The following ITIH5 variants were observed in gnomAD, a reference collection of about 807,000 sequenced individuals.
ITIH5 encodes inter-alpha-trypsin inhibitor heavy chain 5.
Under a neutral mutation model 77.5 loss-of-function variants are expected in ITIH5, and 65 were observed. That is an observed-to-expected ratio of 0.84 (90% CI 0.69 to 1.03). ITIH5 has a LOEUF of 1.03. Ranked by LOEUF, ITIH5 falls within the 50% of genes least tolerant of loss-of-function variation. The pLI is 0.00. For missense variants in ITIH5, 1,208 were observed against 1,213.1 expected (o/e 1.00, Z 0.06); for synonymous variants, 525 against 494.3 (o/e 1.06, Z -0.82).
At chr10:7,565,672 A>C (rs1564231223) in intron 13 of ITIH5, among the ~76,000 whole-genome samples, 1 of 148,986 alleles carries the variant, frequency 6.7e-6, no homozygotes, top group Admixed American at 6.7e-5. Flanking sequence ...ATACATATAC[A>C]GACCATATAC....
chr10:7,563,116 C>CA lies in ITIH5; in HGVS notation c.2795dup (p.Met932IlefsTer26). On this transcript the variant is annotated frameshift_variant, in exon 14 of 14. Transcript: ENST00000397146. LOFTEE classifies it low-confidence loss of function (END_TRUNC). Reference sequence around the variant, plus strand: ...CCCTGGACATTCCCCGGCCAAGTGTCATCCCTGTGTCAAATGGATGGGATG... The same window carrying CA: ...CCCTGGACATTCCCCGGCCAAGTGTCAATCCCTGTGTCAAATGGATGGGATG... 1 of 1,591,750 alleles carries CA rather than the reference C, an allele frequency of 6.3e-7. No homozygotes were observed. The highest frequency in any genetic ancestry group is 8.5e-7 in the Non-Finnish European group (1 of 1,179,178).
chr10:7,635,744 GACC>G (rs1342210351), intron 5 of ITIH5, among the ~76,000 whole-genome samples: 9 of 152,060 alleles, frequency 5.9e-5, no homozygotes, highest in South Asian at 4.2e-4. Context: ...CCCCTCCATA[GACC>G]ACCAGCTCTA....
intron 3 of ITIH5, among the ~76,000 whole-genome samples, chr10:7,641,664 G>A (rs1387799465): frequency 1.8e-5 from 2 of 108,594 alleles, no homozygotes; most frequent in South Asian, 4.1e-4. Context: ...GAGGGAGGGA[G>A]GGAGGGAGGC....
Position 7,617,202 on chromosome 10 carries a change from G to A in ITIH5, c.733C>T (p.Gln245Ter), listed in dbSNP as rs746404265. The change falls in exon 6 of 14, where the codon CAA (glutamine) becomes TAA (stop). Residue 245 changes from glutamine to a stop codon, truncating the protein, a stop_gained. Transcript: ENST00000397146. LOFTEE classifies it high-confidence loss of function. ...CCATTCTGGGCAATCCTGGCTTGTT[G>A]TACTACAGTAGGTTTAAAAATTATG... ...ANIIFKPTVV[Q>*]QARIAQNGIL... is the part of the protein sequence containing the mutation. 15 of 1,605,792 alleles carry A rather than the reference G, an allele frequency of 9.3e-6. No homozygotes were observed. Among genetic ancestry groups the A allele is most frequent in the Non-Finnish European group, 9.4e-6 (11 of 1,176,196 alleles).
rs1832427192 is a variant in ITIH5 at position 7,576,694 on chromosome 10, G to A, written c.1737C>T (p.Tyr579=). 1 of 1,614,040 alleles carries A rather than the reference G, an allele frequency of 6.2e-7. No homozygotes were observed. The highest frequency in any genetic ancestry group is 8.5e-7 in the Non-Finnish European group (1 of 1,180,040). The change falls in exon 10 of 14, where the codon TAC becomes TAT. Residue 579 remains tyrosine, a synonymous_variant. Coordinates refer to ENST00000397146, the MANE Select transcript of ITIH5 (RefSeq NM_030569.7). ...DTNHIERLWS[Y]LTTKELLSSW... Reference sequence around the variant, plus strand: ...AGCTCAGCAGCTCCTTTGTGGTGAGGTAGCTCCAGAGACGCTCGATGTGGT... The same window carrying A: ...AGCTCAGCAGCTCCTTTGTGGTGAGATAGCTCCAGAGACGCTCGATGTGGT...
intron 7 of ITIH5, among the ~76,000 whole-genome samples, chr10:7,603,357 CA>C (rs1182172985): frequency 6.6e-6 from 1 of 152,036 alleles, no homozygotes; most frequent in Non-Finnish European, 1.5e-5. Flanking sequence ...AATCCAGAGA[CA>C]GGAAGCCGAC....
intron 7 of ITIH5, among the ~76,000 whole-genome samples, chr10:7,590,400 CAT>C (rs1282369862): frequency 1.3e-5 from 2 of 152,160 alleles, no homozygotes; most frequent in South Asian, 2.1e-4. Flanking sequence ...AGAAGAAAAA[CAT>C]ATACAACTCA....
In ITIH5 at chr10:7,571,247, A is replaced by G. The variant is rs148711076; in HGVS notation, c.2033-1463T>C. Among the ~76,000 whole-genome samples, 1,203 of 151,970 alleles carry G rather than the reference A, an allele frequency of 7.9e-3. 10 individuals are homozygous for G. The highest frequency in any genetic ancestry group is 0.017 in the Middle Eastern group (5 of 294). ...CAAAGTTCTCATCCACATTGCTGGC[A>G]TTTTTCAGGCATGCACGCAGTTGTC... On this transcript the variant is annotated intron_variant, in intron 11 of 13. Transcript: ENST00000397146.
rs548410453 is a variant in ITIH5, at chr10:7,605,678, C to T, written c.939+10304G>A. On this transcript the variant is annotated intron_variant, in intron 7 of 13. Transcript: ENST00000397146. ...GGGCTGTGCTATCAGGCAATGCCAG[C>T]GCTTAGGAATTTTACCCAGTTGCAA... Among the ~76,000 whole-genome samples the T allele has an allele frequency of 1.7e-4, 26 of 152,238 alleles. No individual in the cohort carries two copies. The South Asian group carries it at 4.6e-3, about 27-fold the overall frequency.
At chr10:7,605,916 G>C (rs1034674591) in intron 7 of ITIH5, among the ~76,000 whole-genome samples, 2 of 152,160 alleles carry the variant, frequency 1.3e-5, no homozygotes, top group Non-Finnish European at 2.9e-5. Context: ...CCAGAAAGGA[G>C]GAAACTAGGC....
rs181762711 is a variant in ITIH5 at position 7,598,007 on chromosome 10, T to A, written c.940-11938A>T. Among the ~76,000 whole-genome samples the A allele has an allele frequency of 1.2e-3, 176 of 152,162 alleles. 1 individual carries two copies. Among genetic ancestry groups the A allele is most frequent in the African/African-American group, 4.1e-3 (172 of 41,514 alleles). The stretch of plus-strand genomic sequence containing the variant: ...TGGGTCCATATCATTGTTGTACTTC[T>A]AAAAAATCTAGCAACAGATTGGCTC... On this transcript the variant is annotated intron_variant, in intron 7 of 13. Transcript: ENST00000397146.
At position 7,621,707 on chromosome 10, in the gene ITIH5, G is replaced by A. The variant is rs181896930; in HGVS notation, c.653-4425C>T. On this transcript the variant is annotated intron_variant, in intron 5 of 13. Coordinates refer to ENST00000397146, the MANE Select transcript of ITIH5 (RefSeq NM_030569.7). ...TTTTTATTAAGGGGGAAAAAAATCT[G>A]TTAAGTAGGTTCATATGGGCTGTTC... 467 of 152,184 alleles carry A rather than the reference G, an allele frequency of 3.1e-3. 4 individuals are homozygous for A. The highest frequency in any genetic ancestry group is 0.011 in the African/African-American group (444 of 41,510). The allele number at this position is 152,184 out of a possible 1,614,324, so 9.4% of individuals were successfully genotyped here. A position where few individuals can be genotyped will look rare whatever the true frequency, so the allele number is the denominator to read the frequency against.
rs190567154 is a variant in ITIH5, at chr10:7,579,790, C to T, written c.1383G>A (p.Val461=). ...GCGAGCCTGCGTCCTCCTCCTCGTG[C>T]ACGCGCCGTGTGAGGCCACAGTTCT... ...SLENCGLTRR[V]HEEEDAGSQL... is the part of the protein sequence containing the mutation. Residue 461 remains valine, a synonymous_variant, in exon 9 of 14, where the codon GTG becomes GTA. Coordinates refer to ENST00000397146, the MANE Select transcript of ITIH5 (RefSeq NM_030569.7). 973 of 1,614,102 alleles carry T rather than the reference C, an allele frequency of 6.0e-4. 4 individuals are homozygous for T. The East Asian group carries it at 7.4e-3, about 12-fold the overall frequency.
chr10:7,634,601 C>A (rs2131069326), intron 5 of ITIH5, among the ~76,000 whole-genome samples: 1 of 152,282 alleles, frequency 6.6e-6, no homozygotes, highest in Admixed American at 6.5e-5. Context: ...AAACAGTAAG[C>A]AACTTTTTTT....
intron 2 of ITIH5, among the ~76,000 whole-genome samples, 164 bp from the exon 3 acceptor site, chr10:7,642,254 T>A (rs1231656203): frequency 6.6e-6 from 1 of 152,200 alleles, no homozygotes; most frequent in African/African-American, 2.4e-5. Flanking sequence ...TTCCCCATTT[T>A]TAACTCCCTT....
intron 1 of ITIH5, among the ~76,000 whole-genome samples, chr10:7,659,758 A>C (rs1484984893): frequency 6.6e-6 from 1 of 152,220 alleles, no homozygotes; most frequent in Non-Finnish European, 1.5e-5. Context: ...CTATGGCCAC[A>C]CTTCAGTCCA....
chr10:7,620,399 C>T (rs11255247), intron 5 of ITIH5: 21,515 of 152,126 alleles, frequency 0.14, 1,704 homozygotes, highest in East Asian at 0.26. Context: ...GCATGAAATA[C>T]CCATGGCAAC....
chr10:7,655,398 C>T (rs1014325223), intron 2 of ITIH5, among the ~76,000 whole-genome samples: 1 of 151,928 alleles, frequency 6.6e-6, no homozygotes, highest in African/African-American at 2.4e-5. Context: ...CCTGCAAAGA[C>T]CTTTGTGTTT....
In ITIH5 at chr10:7,628,853, CCCTGTTGTAGCGTGTGT is replaced by C. The variant is rs1277532473; in HGVS notation, c.652+8358_652+8374del. 6.9e-5 allele frequency among the ~76,000 whole-genome samples: 10 copies of C among 145,770 alleles called. 1 individual carries two copies. Among genetic ancestry groups the C allele is most frequent in the Non-Finnish European group, 1.4e-4 (9 of 64,214 alleles). ...CGTGTGTCCCTGTTGTAGCGTGTGT[CCCTGTTGTAGCGTGTGT>C]CCGTGTTGTAGCGTGTGTCCGTGTT... On this transcript the variant is annotated intron_variant, in intron 5 of 13. Coordinates refer to ENST00000397146, the MANE Select transcript of ITIH5 (RefSeq NM_030569.7).
Sources: gnomAD v4.1 joint callset for allele counts (sites outside exome capture counted in the v4.1 genomes callset) on GRCh38, gnomAD v4.1.1 for gene constraint, MANE v1.5 for transcripts, NCBI Gene and HGNC (gene_info 2026-07-23, HGNC 2026-07-21) for gene names.